Variants in ALG6 observed in about 807,000 individuals in gnomAD.
ALG6 encodes the protein dolichyl pyrophosphate Man9GlcNAc2 alpha-1,3-glucosyltransferase.
Under a neutral mutation model 66.6 loss-of-function variants are expected in ALG6, and 46 were observed. The ratio of observed to expected loss-of-function variants is 0.69; its 90% CI spans 0.55 to 0.88. The LOEUF (loss-of-function observed/expected upper bound fraction) is 0.88. Among genes scored for constraint, ALG6 ranks in the 40% least tolerant of loss-of-function variants. The pLI is 0.00. For synonymous variants in ALG6, 185 were observed against 203.7 expected (o/e 0.91, Z 0.78); for missense variants, 505 against 586.8 (o/e 0.86, Z 1.44).
intron 2 of ALG6, among the ~76,000 whole-genome samples, chr1:63,376,625 CT>C (rs1570033300): frequency 1.3e-5 from 2 of 152,082 alleles, no homozygotes; most frequent in East Asian, 1.9e-4. Flanking sequence ...AATATTTAGG[CT>C]TTAAAAATTA....
At chr1:63,434,081 T>A (rs1644663552) in intron 14 of ALG6, among the ~76,000 whole-genome samples, 1 of 152,036 alleles carries the variant, frequency 6.6e-6, no homozygotes, top group African/African-American at 2.4e-5. Flanking sequence ...GGACCTAAGA[T>A]TAGAGAGGTA....
At chr1:63,428,849 T>A (rs769361837) in intron 13 of ALG6, 48 bp downstream of exon 13, 8 of 1,587,434 alleles carry the variant, frequency 5.0e-6, no homozygotes, top group Non-Finnish European at 6.9e-6. Flanking sequence ...TCTTGTAAAC[T>A]AATTTAAAAC....
In ALG6 at chr1:63,411,712, A is replaced by G. The variant is rs1049386120; in HGVS notation, c.681-214A>G. ...GCATCTAACATAAATGTTAATTACGATGGTGATAACAGTCCTTTTGTTGAA... is the reference window on the plus strand; with the variant it reads ...GCATCTAACATAAATGTTAATTACGGTGGTGATAACAGTCCTTTTGTTGAA... On this transcript the variant is annotated intron_variant, in intron 8 of 14. Transcript: ENST00000263440. Among the ~76,000 whole-genome samples the G allele has an allele frequency of 2.6e-5, 4 of 152,152 alleles. No individual in the cohort carries two copies. In the South Asian group the frequency reaches 6.2e-4, roughly 24 times the overall value.
In ALG6 at chr1:63,408,776, A is replaced by AT. The variant is rs1012648925; in HGVS notation, c.494+1657dup. Among the ~76,000 whole-genome samples the AT allele has an allele frequency of 7.2e-5, 11 of 152,158 alleles. No individual in the cohort carries two copies. The East Asian group carries it at 2.1e-3, about 29-fold the overall frequency. On this transcript the variant is annotated intron_variant, in intron 7 of 14. Coordinates refer to ENST00000263440, the MANE Select transcript of ALG6 (RefSeq NM_013339.4). ...GGCATATGTTATCTTGTAAGGATAC[A>AT]TTTTTTTCTTTTGAGACGGAGTTTC...
In ALG6 at chr1:63,436,086, G is replaced by A. The variant is rs76333593; in HGVS notation, c.1327-737G>A. ...GCTTTACTCATTGAAAGCATTTAGC[G>A]AATATGAAATGTAATTTTCCATTTG... is the stretch of plus-strand genomic sequence containing the variant. On this transcript the variant is annotated intron_variant, in intron 14 of 14. Coordinates refer to ENST00000263440, the MANE Select transcript of ALG6 (RefSeq NM_013339.4). Among the ~76,000 whole-genome samples, 37 of 152,222 alleles carry A rather than the reference G, an allele frequency of 2.4e-4. No individual in the cohort carries two copies. The East Asian group carries it at 6.2e-3, about 25-fold the overall frequency.
intron 12 of ALG6, among the ~76,000 whole-genome samples, chr1:63,421,436 C>A (rs1644572849): frequency 6.6e-6 from 1 of 152,054 alleles, no homozygotes; most frequent in South Asian, 2.1e-4. Context: ...GATCTAGAAC[C>A]AGAAATACCA....
At chr1:63,369,968 G>A (rs113756894) in intron 1 of ALG6, among the ~76,000 whole-genome samples, 3,709 of 151,936 alleles carry the variant, frequency 0.024, 117 homozygotes, top group African/African-American at 0.078. Flanking sequence ...ACAGGCGAGC[G>A]CCACCATACC....
At chr1:63,398,364 G>T (rs1267934333) in intron 3 of ALG6, among the ~76,000 whole-genome samples, 6 of 152,194 alleles carry the variant, frequency 3.9e-5, no homozygotes, top group Non-Finnish European at 8.8e-5. Flanking sequence ...GTAACACCAG[G>T]ATATCTCATT....
At position 63,406,416 on chromosome 1, in the gene ALG6, C is replaced by A; in HGVS notation, c.429+17C>A. The A allele has an allele frequency of 6.3e-7, 1 of 1,598,590 alleles. No individual in the cohort carries two copies. Among genetic ancestry groups the A allele is most frequent in the Non-Finnish European group, 8.6e-7 (1 of 1,166,536 alleles). ...AAGAAAAAGGTAGGTTTTCAAGCAG[C>A]CTGACAGTTCGTCTCTGAAATGTAT... On this transcript the variant is annotated intron_variant, in intron 6 of 14. Coordinates refer to ENST00000263440, the MANE Select transcript of ALG6 (RefSeq NM_013339.4).
At chr1:63,401,217 C>T (rs1018133416) in intron 3 of ALG6, among the ~76,000 whole-genome samples, 1 of 152,172 alleles carries the variant, frequency 6.6e-6, no homozygotes, top group Non-Finnish European at 1.5e-5. Context: ...CCATCTCTTC[C>T]ATACAAACCT....
At chr1:63,411,830 T>C (rs1557591370) in intron 8 of ALG6, 96 bp from the exon 9 acceptor site, 1 of 1,517,348 alleles carries the variant, frequency 6.6e-7, no homozygotes, top group Admixed American at 1.7e-5. Context: ...GGCATTACTA[T>C]ACATGTGCAT....
Position 63,411,330 on chromosome 1 carries a change from G to A in ALG6, c.679G>A (p.Gly227Arg), listed in dbSNP as rs950928142. The A allele has an allele frequency of 2.5e-6, 4 of 1,612,930 alleles. No individual in the cohort carries two copies. Among genetic ancestry groups the A allele is most frequent in the Admixed American group, 3.3e-5 (2 of 59,848 alleles). The change falls in exon 8 of 15, where the codon GGG becomes AGG. Residue 227 changes from glycine (G) to arginine (R), a missense_variant and splice_region_variant. Physicochemically the swap from Gly to Arg is moderately radical, Grantham distance 125. Transcript: ENST00000263440. ...TTTTAAAAAAGGCCTCAAAGGAAAG[G>A]GGTGAGTGACTTTTAAACACTAGAA... ...KCFKKGLKGK[G>R]FVLLVKLACI...
At chr1:63,402,407 A>C (rs1473531468) in intron 4 of ALG6, 64 bp downstream of exon 4, 1 of 977,252 alleles carries the variant, frequency 1.0e-6, no homozygotes. Flanking sequence ...AGTAAGAAGC[A>C]GTGTGATGGG....
intron 12 of ALG6, among the ~76,000 whole-genome samples, chr1:63,424,315 A>G (rs1644603933): frequency 6.6e-6 from 1 of 151,954 alleles, no homozygotes; most frequent in Non-Finnish European, 1.5e-5. Context: ...TAATTTTTGC[A>G]TTTTTAGTAG....
chr1:63,385,503 G>A lies in ALG6; in HGVS notation c.83-11010G>A, dbSNP rs192076226. Among the ~76,000 whole-genome samples, 6 of 152,182 alleles carry A rather than the reference G, an allele frequency of 3.9e-5. No individual in the cohort carries two copies. In the East Asian group the frequency reaches 1.2e-3, roughly 29 times the overall value. ...TGGCATTACAGGCGTGAGCCACCAC[G>A]CCCGGCCTTGAGCCACTGTGCTTGG... On this transcript the variant is annotated intron_variant, in intron 2 of 14. Transcript: ENST00000263440.
chr1:63,400,235 ATATATATACGTATATATATG>A (rs1557587376), intron 3 of ALG6, among the ~76,000 whole-genome samples: 384 of 21,520 alleles, frequency 0.018, 42 homozygotes, highest in South Asian at 0.041. Context: ...ATATATATAT[ATATATATACGTATATATATG>A]TATATATATA....
chr1:63,372,512 C>G (rs1219346586), intron 2 of ALG6, among the ~76,000 whole-genome samples: 1 of 119,730 alleles, frequency 8.4e-6, no homozygotes, highest in African/African-American at 3.2e-5. Context: ...TTTATGCATA[C>G]CTATATATGT....
In ALG6 at chr1:63,411,110, A is replaced by C. The variant is rs577269349; in HGVS notation, c.495-36A>C. On this transcript the variant is annotated intron_variant, in intron 7 of 14. Transcript: ENST00000263440. ...CTTTTTAAAAGCTCTATCTTTTTAAAAGATTATTGAGATAATTTCCTTGAC... is the reference window on the plus strand; with the variant it reads ...CTTTTTAAAAGCTCTATCTTTTTAACAGATTATTGAGATAATTTCCTTGAC... 10 of 1,608,630 alleles carry C rather than the reference A, an allele frequency of 6.2e-6. No individual in the cohort carries two copies. In the Admixed American group the frequency reaches 1.0e-4, roughly 16 times the overall value.
chr1:63,414,115 A>G lies in ALG6; in HGVS notation c.871A>G (p.Ile291Val). The change falls in exon 10 of 15, where the codon ATT becomes GTT. Residue 291 changes from isoleucine to valine, a missense_variant. Physicochemically the swap from Ile to Val is conservative, Grantham distance 29. Transcript: ENST00000263440. ...SFNVFLKIKD[I>V]LPRHIQLIMS... ...CAATGTCTTTCTGAAGATTAAGGAT[A>G]TTTTGCCACGTCACATCCAATTAAT... is the stretch of plus-strand genomic sequence containing the variant. 1 of 1,612,994 alleles carries G rather than the reference A, an allele frequency of 6.2e-7. No individual in the cohort carries two copies.
Sources: gnomAD v4.1 joint callset for allele counts (sites outside exome capture counted in the v4.1 genomes callset) on GRCh38, gnomAD v4.1.1 for gene constraint, MANE v1.5 for transcripts, NCBI Gene and HGNC (gene_info 2026-07-23, HGNC 2026-07-21) for gene names.